The following EXTL1 variants were observed in gnomAD, a reference collection of about 807,000 sequenced individuals.
EXTL1 encodes the protein exostosin like glycosyltransferase 1, also known as exostosin-like 1.
Under a neutral mutation model 64.6 loss-of-function variants are expected in EXTL1, and 43 were observed. That is an observed-to-expected ratio of 0.67 (90% CI 0.52 to 0.86). EXTL1 has a LOEUF of 0.86. Ranked by LOEUF, EXTL1 falls within the 40% of genes least tolerant of loss-of-function variation. The pLI, the probability that EXTL1 is intolerant of heterozygous loss-of-function variation, is 0.00. For missense variants in EXTL1, 766 were observed against 879.0 expected (o/e 0.87, Z 1.62); for synonymous variants, 352 against 360.5 (o/e 0.98, Z 0.27).
intron 6 of EXTL1, 63 bp from the exon 7 acceptor site, chr1:26,032,333 G>T: frequency 9.1e-7 from 1 of 1,098,094 alleles, no homozygotes; most frequent in East Asian, 2.6e-5. Flanking sequence ...GATCACTCCT[G>T]CCCCTCGCAA....
In EXTL1 at chr1:26,034,394, A is replaced by T. The variant is rs1425805661; in HGVS notation, c.1680-442A>T. On this transcript the variant is annotated intron_variant, in intron 9 of 10. Coordinates refer to ENST00000374280, the MANE Select transcript of EXTL1 (RefSeq NM_004455.3). This position sits in a 1 kb window ranked among gnomAD's most constrained non-coding sequence, Gnocchi z 4.6. ...AGATTACTCAGGAGCTCTGCAGGGA[A>T]TTCTCAGTAGAGTGAAGAATTACCT... Among the ~76,000 whole-genome samples the T allele has an allele frequency of 6.6e-6, 1 of 152,222 alleles. No homozygotes were observed. Among genetic ancestry groups the T allele is most frequent in the African/African-American group, 2.4e-5 (1 of 41,450 alleles).
chr1:26,031,610 G>A, intron 6 of EXTL1, 44 bp downstream of exon 6: 1 of 1,260,110 alleles, frequency 7.9e-7, no homozygotes, highest in Non-Finnish European at 1.1e-6. Flanking sequence ...CAGGGTGGGG[G>A]TAAGGGACAG....
intron 7 of EXTL1, among the ~76,000 whole-genome samples, 199 bp downstream of exon 7, chr1:26,032,684 G>A (rs1320345309): frequency 6.6e-6 from 1 of 152,168 alleles, no homozygotes; most frequent in Non-Finnish European, 1.5e-5. Flanking sequence ...CAGAGCACTG[G>A]GGCTTACATG....
rs2050338779 is a variant in EXTL1 at position 26,036,155 on chromosome 1, ACT to A, written c.*811_*812del. 6.6e-6 allele frequency: 1 copy of A among 152,176 alleles called. No individual in the cohort carries two copies. The highest frequency in any genetic ancestry group is 2.4e-5 in the African/African-American group (1 of 41,262). 9.4% of individuals were successfully genotyped at this position (152,176 alleles called of 1,614,324 possible). A position where few individuals can be genotyped will look rare whatever the true frequency, so the allele number is the denominator to read the frequency against. ...CCACTAGAGGTCAGCGTCGCGCCGC[ACT>A]CTTCACCCGCATGTCCAGAGGGCGG... is the stretch of plus-strand genomic sequence containing the variant. On this transcript the variant is annotated 3_prime_UTR_variant, in exon 11 of 11. Coordinates refer to ENST00000374280, the MANE Select transcript of EXTL1 (RefSeq NM_004455.3). The surrounding 1 kb of genome is among the most constrained non-coding windows in gnomAD (Gnocchi z 5.2).
At position 26,034,814 on chromosome 1, in the gene EXTL1, C is replaced by T. The variant is rs775036153; in HGVS notation, c.1680-22C>T. ...GGGATGGATTTGGCTGCAGCCTCTC[C>T]CTGTCTTTTCCTCTTGCCCAGGTAT... is the stretch of plus-strand genomic sequence containing the variant. On this transcript the variant is annotated intron_variant, in intron 9 of 10. Transcript: ENST00000374280. The surrounding 1 kb of genome is among the most constrained non-coding windows in gnomAD (Gnocchi z 4.6). 3 of 1,607,068 alleles carry T rather than the reference C, an allele frequency of 1.9e-6. No individual in the cohort carries two copies. The highest frequency in any genetic ancestry group is 2.7e-5 in the African/African-American group (2 of 74,800).
Position 26,033,619 on chromosome 1 carries a change from G to A in EXTL1, c.1519-77G>A. 2 of 1,492,508 alleles carry A rather than the reference G, an allele frequency of 1.3e-6. No individual in the cohort carries two copies. Among genetic ancestry groups the A allele is most frequent in the Non-Finnish European group, 1.8e-6 (2 of 1,086,302 alleles). 92.5% of individuals were successfully genotyped at this position (1,492,508 alleles called of 1,614,324 possible). A position where few individuals can be genotyped will look rare whatever the true frequency, so the allele number is the denominator to read the frequency against. ...CCTGCCCGGGCCCCTCAGCCAGGCT[G>A]CCCCTGCCTCCATTTCCCTGGATGT... is the stretch of plus-strand genomic sequence containing the variant. On this transcript the variant is annotated intron_variant, in intron 8 of 10. Coordinates refer to ENST00000374280, the MANE Select transcript of EXTL1 (RefSeq NM_004455.3). The surrounding 1 kb of genome is among the most constrained non-coding windows in gnomAD (Gnocchi z 5.1).
chr1:26,034,480 G>A lies in EXTL1; in HGVS notation c.1680-356G>A, dbSNP rs1047068855. ...CGTGTGAAGTGAGCTCACCCGGAGC[G>A]GTATCAGCCTGGTTCATCCACAACT... On this transcript the variant is annotated intron_variant, in intron 9 of 10. Transcript: ENST00000374280. The surrounding 1 kb of genome is among the most constrained non-coding windows in gnomAD (Gnocchi z 4.6). 2.6e-5 allele frequency among the ~76,000 whole-genome samples: 4 copies of A among 152,198 alleles called. No individual in the cohort carries two copies. The highest frequency in any genetic ancestry group is 4.8e-5 in the African/African-American group (2 of 41,440).
At position 26,029,595 on chromosome 1, in the gene EXTL1, C is replaced by T. The variant is rs891919970; in HGVS notation, c.874-5C>T. On this transcript the variant is annotated splice_region_variant and splice_polypyrimidine_tract_variant and intron_variant, in intron 2 of 10. Transcript: ENST00000374280. ...GGGCTCCCCAGTGACCTCCCCGCCC[C>T]CCAGGCCGGCTGCATCCCAGTGCTT... 2.5e-6 allele frequency: 4 copies of T among 1,590,318 alleles called. No homozygotes were observed. Among genetic ancestry groups the T allele is most frequent in the Admixed American group, 3.4e-5 (2 of 59,008 alleles).
chr1:26,025,786 G>A lies in EXTL1; in HGVS notation c.779+2361G>A, dbSNP rs1266721454. On this transcript the variant is annotated intron_variant, in intron 1 of 10. Transcript: ENST00000374280. The surrounding 1 kb of genome is among the most constrained non-coding windows in gnomAD (Gnocchi z 5.3). ...CCAAACACTGCTTCCAGTTTCTTAC[G>A]TGTCTTTTCTGAGAAACTCTGCGTG... is the stretch of plus-strand genomic sequence containing the variant. Among the ~76,000 whole-genome samples the A allele has an allele frequency of 1.3e-5, 2 of 152,018 alleles. No individual in the cohort carries two copies. Among genetic ancestry groups the A allele is most frequent in the African/African-American group, 2.4e-5 (1 of 41,374 alleles).
chr1:26,024,508 C>G, intron 1 of EXTL1, among the ~76,000 whole-genome samples: 1 of 152,166 alleles, frequency 6.6e-6, no homozygotes. Context: ...CGGGACTTCT[C>G]TCGGCCAAAG....
At position 26,033,461 on chromosome 1, in the gene EXTL1, G is replaced by T; in HGVS notation, c.1518+146G>T. ...TGAAACCACCCCAGCAAGCCAGGCA[G>T]CCTCCTCTTTAGGAGTCTCGTTGAG... On this transcript the variant is annotated intron_variant, in intron 8 of 10. Transcript: ENST00000374280. The surrounding 1 kb of genome is among the most constrained non-coding windows in gnomAD (Gnocchi z 5.1). 1 of 772,074 alleles carries T rather than the reference G, an allele frequency of 1.3e-6. No homozygotes were observed. 47.8% of individuals were successfully genotyped at this position (772,074 alleles called of 1,614,324 possible). A position where few individuals can be genotyped will look rare whatever the true frequency, so the allele number is the denominator to read the frequency against.
At chr1:26,028,836 A>G (rs1412013886) in intron 1 of EXTL1, among the ~76,000 whole-genome samples, 1 of 152,176 alleles carries the variant, frequency 6.6e-6, no homozygotes, top group Non-Finnish European at 1.5e-5. Flanking sequence ...GCAGACGTGC[A>G]TGTCTAAGTC....
At position 26,027,010 on chromosome 1, in the gene EXTL1, A is replaced by G. The variant is rs1167195761; in HGVS notation, c.780-2183A>G. 2.6e-5 allele frequency among the ~76,000 whole-genome samples: 4 copies of G among 152,214 alleles called. No individual in the cohort carries two copies. The South Asian group carries it at 8.3e-4, about 32-fold the overall frequency. On this transcript the variant is annotated intron_variant, in intron 1 of 10. Transcript: ENST00000374280. The stretch of plus-strand genomic sequence containing the variant: ...TGCACGCTCAACCAGCTCCATCACT[A>G]GAATTTCTGCTGAAATTGACCTCCC...
chr1:26,034,133 A>G lies in EXTL1; in HGVS notation c.1679+277A>G, dbSNP rs111910959. 3.3e-5 allele frequency among the ~76,000 whole-genome samples: 5 copies of G among 152,178 alleles called. No individual in the cohort carries two copies. The highest frequency in any genetic ancestry group is 5.9e-5 in the Non-Finnish European group (4 of 68,036). On this transcript the variant is annotated intron_variant, in intron 9 of 10. Transcript: ENST00000374280. This position sits in a 1 kb window ranked among gnomAD's most constrained non-coding sequence, Gnocchi z 4.6. Reference sequence around the variant, plus strand: ...CACAAATGGTAGCTATTGTTATTTGAAGTAGAGCCATGCAGTGAGTAAGGG... The same window carrying G: ...CACAAATGGTAGCTATTGTTATTTGGAGTAGAGCCATGCAGTGAGTAAGGG...
chr1:26,029,960 C>G (rs1373463546), intron 3 of EXTL1, among the ~76,000 whole-genome samples: 4 of 152,176 alleles, frequency 2.6e-5, no homozygotes, highest in African/African-American at 7.2e-5. Context: ...ATAGGATGAG[C>G]TAGACCAGAC....
At position 26,027,692 on chromosome 1, in the gene EXTL1, A is replaced by AAAAAAAAAAAAAAAAGAAAAG. The variant is rs1557551541; in HGVS notation, c.780-1486_780-1485insGAAAAGAAAAAAAAAAAAAAA. ...CAACACAGAGAGACCCCATCTCTAAAAAAAAAAAAAAAAAAAGCCAGCACG... is the reference window on the plus strand; with the variant it reads ...CAACACAGAGAGACCCCATCTCTAAAAAAAAAAAAAAAAAAGAAAAGAAAAAAAAAAAAAAAAGCCAGCACG... On this transcript the variant is annotated intron_variant, in intron 1 of 10. Coordinates refer to ENST00000374280, the MANE Select transcript of EXTL1 (RefSeq NM_004455.3). 4.8e-5 allele frequency among the ~76,000 whole-genome samples: 7 copies of AAAAAAAAAAAAAAAAGAAAAG among 145,774 alleles called. No individual in the cohort carries two copies. In the East Asian group the frequency reaches 6.2e-4, roughly 13 times the overall value.
At chr1:26,026,497 T>A (rs1388996767) in intron 1 of EXTL1, among the ~76,000 whole-genome samples, 1 of 152,102 alleles carries the variant, frequency 6.6e-6, no homozygotes, top group Non-Finnish European at 1.5e-5. Context: ...TTTCACCATG[T>A]TGGTCAGGCT....
Position 26,033,296 on chromosome 1 carries a change from G to C in EXTL1, c.1499G>C (p.Ser500Thr). The change falls in exon 8 of 11, where the codon AGC becomes ACC. Residue 500 changes from serine (S) to threonine (T), a missense_variant. Physicochemically the swap from Ser to Thr is moderately conservative, Grantham distance 58. Transcript: ENST00000374280. This position sits in a 1 kb window ranked among gnomAD's most constrained non-coding sequence, Gnocchi z 5.1. ...TDAILSLDAR[S>T]SLSTSEVDFA... ...GCCATCCTCAGCCTCGATGCCCGCA[G>C]CAGTCTTTCCACAAGTGAGGTGAGG... The C allele has an allele frequency of 6.2e-7, 1 of 1,614,002 alleles. No individual in the cohort carries two copies.
Position 26,033,316 on chromosome 1 carries a change from G to A in EXTL1, c.1518+1G>A. ...CCGCAGCAGTCTTTCCACAAGTGAG[G>A]TGAGGGCTGGGCCCAAGAGAAGCCC... On this transcript the variant is annotated splice_donor_variant, in intron 8 of 10. Coordinates refer to ENST00000374280, the MANE Select transcript of EXTL1 (RefSeq NM_004455.3). LOFTEE classifies it high-confidence loss of function. This position sits in a 1 kb window ranked among gnomAD's most constrained non-coding sequence, Gnocchi z 5.1. 6.2e-7 allele frequency: 1 copy of A among 1,613,138 alleles called. No homozygotes were observed. Among genetic ancestry groups the A allele is most frequent in the East Asian group, 2.2e-5 (1 of 44,882 alleles).
Sources: allele counts gnomAD v4.1 joint callset (sites outside exome capture counted in the v4.1 genomes callset), GRCh38; gene constraint gnomAD v4.1.1; non-coding constraint Gnocchi (gnomAD v3.1); transcripts MANE v1.5; gene names NCBI Gene and HGNC (gene_info 2026-07-23, HGNC 2026-07-21).